TRPC1: variants seen among roughly 807,000 people sequenced by gnomAD.
TRPC1 encodes short transient receptor potential channel 1.
In TRPC1, 42 loss-of-function variants were observed where a neutral mutation model predicts 88.2. That is an observed-to-expected ratio of 0.48 (90% CI 0.37 to 0.62). The LOEUF is 0.62. Ranked by LOEUF, TRPC1 falls within the 20% of genes least tolerant of loss-of-function variation. TRPC1 has a pLI of 0.00. For synonymous variants in TRPC1, 288 were observed against 331.8 expected, an observed-to-expected ratio of 0.87 and a Z score of 1.43; for missense variants, 699 against 957.3, an observed-to-expected ratio of 0.73 and a Z score of 3.56.
Position 142,724,119 on chromosome 3 carries a change from C to T in TRPC1, c.-441C>T, listed in dbSNP as rs1212055588. 2 of 152,434 alleles carry T rather than the reference C, an allele frequency of 1.3e-5. No individual in the cohort carries two copies. The highest frequency in any genetic ancestry group is 2.1e-4 in the South Asian group (1 of 4,834). 9.4% of individuals were successfully genotyped at this position (152,434 alleles called of 1,614,324 possible). A position where few individuals can be genotyped will look rare whatever the true frequency, so the allele number is the denominator to read the frequency against. On this transcript the variant is annotated 5_prime_UTR_variant, in exon 1 of 13. Transcript: ENST00000476941. The surrounding 1 kb of genome is among the most constrained non-coding windows in gnomAD (Gnocchi z 5.6). ...CAGCTGGGCCAGCGGTTCCCACAGC[C>T]CTGGAGCCCAACGTGCGCAGAAGCG...
intron 4 of TRPC1, among the ~76,000 whole-genome samples, chr3:142,764,712 T>C (rs1370257421): frequency 2.0e-5 from 3 of 152,164 alleles, no homozygotes; most frequent in Non-Finnish European, 4.4e-5. Context: ...TCATTGACCT[T>C]TGTGAGTTTG....
intron 4 of TRPC1, among the ~76,000 whole-genome samples, chr3:142,765,119 A>G (rs1187831395): frequency 6.6e-6 from 1 of 151,536 alleles, no homozygotes; most frequent in Admixed American, 6.6e-5. Flanking sequence ...CTCAGGAGGT[A>G]AAAAAAAATC....
At chr3:142,733,451 G>T (rs1934009919) in intron 1 of TRPC1, among the ~76,000 whole-genome samples, 1 of 152,190 alleles carries the variant, frequency 6.6e-6, no homozygotes, top group African/African-American at 2.4e-5. Flanking sequence ...GGCAGAGGTT[G>T]CAGTGAGCCA....
intron 4 of TRPC1, among the ~76,000 whole-genome samples, chr3:142,753,053 ATCTC>A (rs535618762): frequency 5.5e-4 from 83 of 152,258 alleles, no homozygotes; most frequent in African/African-American, 1.9e-3. Flanking sequence ...TGACAGTCTG[ATCTC>A]TCTTTCTTTT....
intron 4 of TRPC1, among the ~76,000 whole-genome samples, chr3:142,770,561 G>A (rs1286583809): frequency 6.6e-6 from 1 of 152,078 alleles, no homozygotes; most frequent in African/African-American, 2.4e-5. Context: ...ATCTATTTGT[G>A]TCCTTCAATC....
rs879184768 is a variant in TRPC1 at position 142,806,332 on chromosome 3, T to TA, written c.*100dup. 1 of 917,028 alleles carries TA rather than the reference T, an allele frequency of 1.1e-6. No homozygotes were observed. The highest frequency in any genetic ancestry group is 1.7e-5 in the African/African-American group (1 of 59,412). 56.8% of individuals were successfully genotyped at this position (917,028 alleles called of 1,614,324 possible). On this transcript the variant is annotated 3_prime_UTR_variant, in exon 13 of 13. Coordinates refer to ENST00000476941, the MANE Select transcript of TRPC1 (RefSeq NM_001251845.2). ...GAAATTAATGAGATATATATTGAAATAAAGAATTATGTAAAAGCCATTCTT... is the reference window on the plus strand; with the variant it reads ...GAAATTAATGAGATATATATTGAAATAAAAGAATTATGTAAAAGCCATTCTT...
At chr3:142,785,499 T>C (rs1936103488) in intron 7 of TRPC1, among the ~76,000 whole-genome samples, 1 of 152,104 alleles carries the variant, frequency 6.6e-6, no homozygotes. Flanking sequence ...GGTTTTTGTT[T>C]TGTTTTGTTT....
chr3:142,736,950 G>C (rs992810793), intron 2 of TRPC1, among the ~76,000 whole-genome samples: 3 of 151,896 alleles, frequency 2.0e-5, no homozygotes, highest in African/African-American at 7.3e-5. Context: ...AAATGTTCCT[G>C]CCTCAAAACA....
intron 4 of TRPC1, among the ~76,000 whole-genome samples, chr3:142,775,674 T>C (rs1371937639): frequency 6.6e-6 from 1 of 152,014 alleles, no homozygotes; most frequent in Non-Finnish European, 1.5e-5. Flanking sequence ...TTCTTTGATA[T>C]GTAGAAATCT....
At chr3:142,731,003 C>T (rs1933881299) in intron 1 of TRPC1, among the ~76,000 whole-genome samples, 1 of 152,154 alleles carries the variant, frequency 6.6e-6, no homozygotes, top group African/African-American at 2.4e-5. Flanking sequence ...GTGGAATCAC[C>T]TGTTCTTAAT....
intron 4 of TRPC1, among the ~76,000 whole-genome samples, chr3:142,750,306 A>G (rs902009164): frequency 1.3e-5 from 2 of 152,204 alleles, no homozygotes; most frequent in African/African-American, 2.4e-5. Context: ...CAACAAACAT[A>G]TGAAAAAAAG....
intron 1 of TRPC1, among the ~76,000 whole-genome samples, chr3:142,728,335 C>CTT (rs72269824): frequency 7.3e-6 from 1 of 137,888 alleles, no homozygotes; most frequent in East Asian, 2.1e-4. Context: ...GACTGTATTT[C>CTT]TTTTTTTTTT....
chr3:142,745,817 G>A lies in TRPC1; in HGVS notation c.429+2231G>A, dbSNP rs79276223. On this transcript the variant is annotated intron_variant, in intron 3 of 12. Coordinates refer to ENST00000476941, the MANE Select transcript of TRPC1 (RefSeq NM_001251845.2). ...TTGTTGTCCAGGCTGCAGTGCAATG[G>A]CGTGATCTCAGGTCACTGCAACCTC... 1.0e-2 allele frequency among the ~76,000 whole-genome samples: 1,517 copies of A among 151,772 alleles called. 20 individuals carry two copies. The highest frequency in any genetic ancestry group is 0.035 in the African/African-American group (1,443 of 41,424).
chr3:142,734,903 T>C (rs1464841306), intron 1 of TRPC1, among the ~76,000 whole-genome samples: 1 of 152,256 alleles, frequency 6.6e-6, no homozygotes, highest in Non-Finnish European at 1.5e-5. Flanking sequence ...AGCATTCTAC[T>C]ACTAAGATGT....
intron 7 of TRPC1, among the ~76,000 whole-genome samples, chr3:142,788,344 C>A (rs976143688): frequency 1.3e-5 from 2 of 151,908 alleles, no homozygotes; most frequent in African/African-American, 4.8e-5. Flanking sequence ...GAACAGACTT[C>A]AGAGATATTT....
intron 7 of TRPC1, among the ~76,000 whole-genome samples, chr3:142,786,509 G>T (rs1013070916): frequency 5.9e-5 from 9 of 152,052 alleles, no homozygotes; most frequent in Non-Finnish European, 1.0e-4. Flanking sequence ...AGGTTAAAGA[G>T]AATTAAATAA....
chr3:142,793,112 A>C, intron 9 of TRPC1, 145 bp downstream of exon 9: 1 of 685,600 alleles, frequency 1.5e-6, no homozygotes, highest in South Asian at 2.9e-5. Context: ...AGGACACAGC[A>C]TGTTTATCTA....
At chr3:142,791,741 A>G (rs996306473) in intron 8 of TRPC1, among the ~76,000 whole-genome samples, 1 of 152,086 alleles carries the variant, frequency 6.6e-6, no homozygotes, top group African/African-American at 2.4e-5. Flanking sequence ...TGGTTATGTA[A>G]TATTTTACAC....
chr3:142,799,791 CTCTG>C (rs1024744125), intron 9 of TRPC1, among the ~76,000 whole-genome samples: 1 of 152,054 alleles, frequency 6.6e-6, no homozygotes, highest in Non-Finnish European at 1.5e-5. Flanking sequence ...CAGAGTGAAA[CTCTG>C]TCTCTTAAAA....
Sources: allele counts gnomAD v4.1 joint callset (sites outside exome capture counted in the v4.1 genomes callset), GRCh38; gene constraint gnomAD v4.1.1; non-coding constraint Gnocchi (gnomAD v3.1); transcripts MANE v1.5; gene names NCBI Gene and HGNC (gene_info 2026-07-23, HGNC 2026-07-21).